Variants in CDH13 observed in about 807,000 individuals in gnomAD.
CDH13 encodes cadherin 13, also known as cadherin-13.
A neutral mutation model predicts 63.8 loss-of-function variants in CDH13; 24 were observed. The observed-to-expected ratio is 0.38, with a 90% confidence interval of 0.27 to 0.53. The LOEUF is 0.53. CDH13 is among the 20% of genes least tolerant of loss of function. CDH13 has a pLI of 0.85. For missense variants in CDH13, 1,049 were observed against 903.1 expected (o/e 1.16, Z -2.07); for synonymous variants, 503 against 355.3 (o/e 1.42, Z -4.67).
At chr16:83,377,230 C>T (rs555630170) in intron 6 of CDH13, among the ~76,000 whole-genome samples, 1 of 152,174 alleles carries the variant, frequency 6.6e-6, no homozygotes, top group Non-Finnish European at 1.5e-5. Flanking sequence ...CTGAATTAAA[C>T]ATAAAAAGGA....
chr16:83,038,801 C>T (rs546472975), intron 3 of CDH13, among the ~76,000 whole-genome samples: 40 of 152,272 alleles, frequency 2.6e-4, no homozygotes, highest in African/African-American at 8.4e-4. Flanking sequence ...GCCTGGCCAA[C>T]GAAAACACTC....
chr16:82,806,347 C>A (rs2037141505), intron 1 of CDH13, among the ~76,000 whole-genome samples: 3 of 152,174 alleles, frequency 2.0e-5, no homozygotes, highest in South Asian at 4.1e-4. Flanking sequence ...GGACCACAGT[C>A]CATTCTTCCC....
At chr16:83,437,937 A>G (rs1232355720) in intron 6 of CDH13, among the ~76,000 whole-genome samples, 7 of 151,824 alleles carry the variant, frequency 4.6e-5, no homozygotes, top group Admixed American at 6.6e-5. Flanking sequence ...CTTCCTCAAG[A>G]TCTCTTCCAT....
At chr16:83,037,928 G>C (rs1055510766) in intron 3 of CDH13, among the ~76,000 whole-genome samples, 5 of 152,110 alleles carry the variant, frequency 3.3e-5, no homozygotes, top group Non-Finnish European at 2.9e-5. Flanking sequence ...TCCCATCAAT[G>C]GTATAATTTT....
intron 2 of CDH13, among the ~76,000 whole-genome samples, chr16:82,944,592 G>C (rs1009467482): frequency 6.6e-6 from 1 of 152,160 alleles, no homozygotes; most frequent in Non-Finnish European, 1.5e-5. Context: ...GTGAAGGCCA[G>C]GGGTGGTGTT....
intron 7 of CDH13, among the ~76,000 whole-genome samples, chr16:83,561,381 G>A (rs1008579248): frequency 7.0e-6 from 1 of 142,842 alleles, no homozygotes; most frequent in Non-Finnish European, 1.5e-5. Flanking sequence ...AGCTGAGATT[G>A]TGCCATTGCA....
intron 7 of CDH13, among the ~76,000 whole-genome samples, chr16:83,494,145 C>A (rs1438086720): frequency 1.3e-5 from 2 of 151,998 alleles, no homozygotes; most frequent in African/African-American, 4.8e-5. Flanking sequence ...TATTTCTTTT[C>A]TTTTTGGTAT....
intron 2 of CDH13, among the ~76,000 whole-genome samples, chr16:82,915,444 C>T (rs933156835): frequency 5.9e-5 from 9 of 152,184 alleles, no homozygotes; most frequent in African/African-American, 1.2e-4. Flanking sequence ...CAGCAGCTTC[C>T]TGCCCAAAGA....
At chr16:82,851,640 C>T (rs973945238) in intron 1 of CDH13, among the ~76,000 whole-genome samples, 43 of 149,692 alleles carry the variant, frequency 2.9e-4, no homozygotes, top group African/African-American at 1.1e-3. Context: ...TCAGACTCAG[C>T]AGGGGCGTGG....
chr16:83,475,092 T>TA (rs1463008976), intron 6 of CDH13, among the ~76,000 whole-genome samples: 5 of 152,210 alleles, frequency 3.3e-5, no homozygotes, highest in Non-Finnish European at 4.4e-5. Context: ...GAGCCCATTG[T>TA]AAAATGAAAA....
At chr16:83,063,405 G>C (rs540899499) in intron 3 of CDH13, among the ~76,000 whole-genome samples, 14 of 152,320 alleles carry the variant, frequency 9.2e-5, no homozygotes, top group African/African-American at 2.6e-4. Flanking sequence ...TCAAAATCAA[G>C]AGGAAGGGAA....
chr16:82,832,151 G>A (rs1431915461), intron 1 of CDH13, among the ~76,000 whole-genome samples: 1 of 152,168 alleles, frequency 6.6e-6, no homozygotes, highest in African/African-American at 2.4e-5. Flanking sequence ...GACCCTAAAT[G>A]CATTAAGAGT....
chr16:83,306,921 T>C (rs1158479095), intron 5 of CDH13, among the ~76,000 whole-genome samples: 3 of 152,130 alleles, frequency 2.0e-5, no homozygotes, highest in African/African-American at 4.8e-5. Flanking sequence ...ATCCGTAAAG[T>C]TGTGGAAAGA....
chr16:83,653,111 G>C (rs992576546), intron 8 of CDH13, among the ~76,000 whole-genome samples: 1 of 152,158 alleles, frequency 6.6e-6, no homozygotes, highest in African/African-American at 2.4e-5. Flanking sequence ...GATCTCCGGG[G>C]ACAGAAAGCC....
At chr16:83,450,464 G>C (rs1378487927) in intron 6 of CDH13, among the ~76,000 whole-genome samples, 1 of 152,182 alleles carries the variant, frequency 6.6e-6, no homozygotes, top group Non-Finnish European at 1.5e-5. Context: ...GTAAAGGGTA[G>C]TATCTGATTC....
At chr16:82,840,528 C>T (rs4783290) in intron 1 of CDH13, among the ~76,000 whole-genome samples, 37,278 of 151,172 alleles carry the variant, frequency 0.25, 4,898 homozygotes, top group Middle Eastern at 0.33. Flanking sequence ...ACTAAAAACA[C>T]GAAAGAAACA....
intron 2 of CDH13, among the ~76,000 whole-genome samples, chr16:82,965,429 A>T (rs1907664042): frequency 6.6e-6 from 1 of 152,216 alleles, no homozygotes; most frequent in African/African-American, 2.4e-5. Flanking sequence ...TTTGGATGAG[A>T]CTATCAATGT....
chr16:82,643,613 G>C (rs1286707773), intron 1 of CDH13, among the ~76,000 whole-genome samples: 1 of 152,216 alleles, frequency 6.6e-6, no homozygotes, highest in East Asian at 1.9e-4. Context: ...CTTCACGTTT[G>C]TTTTGCTGAT....
At chr16:82,642,064 G>T (rs1409546988) in intron 1 of CDH13, among the ~76,000 whole-genome samples, 3 of 105,174 alleles carry the variant, frequency 2.9e-5, no homozygotes, top group Non-Finnish European at 5.5e-5. Context: ...GTTTATTTTT[G>T]AAATGAAACT....
Sources: gnomAD v4.1 joint callset for allele counts (sites outside exome capture counted in the v4.1 genomes callset) on GRCh38, gnomAD v4.1.1 for gene constraint, MANE v1.5 for transcripts, NCBI Gene and HGNC (gene_info 2026-07-23, HGNC 2026-07-21) for gene names.